SLC8A1: variants seen among roughly 807,000 people sequenced by gnomAD.
The protein encoded by SLC8A1 is solute carrier family 8 member A1, also known as sodium/calcium exchanger 1.
A neutral mutation model predicts 68.3 loss-of-function variants in SLC8A1; 18 were observed. That is an observed-to-expected ratio of 0.26 (90% CI 0.18 to 0.39). The LOEUF (loss-of-function observed/expected upper bound fraction) is 0.39. Among genes scored for constraint, SLC8A1 ranks in the 10% least tolerant of loss-of-function variants. SLC8A1 has a pLI of 1.00. For synonymous variants in SLC8A1, 475 were observed against 415.5 expected (o/e 1.14, Z -1.74); for missense variants, 985 against 1,156.7 (o/e 0.85, Z 2.15).
chr2:40,407,942 C>A (rs1005100893), intron 2 of SLC8A1, among the ~76,000 whole-genome samples: 1 of 152,124 alleles, frequency 6.6e-6, no homozygotes, highest in Non-Finnish European at 1.5e-5. Context: ...TAACTACTAA[C>A]CAGTTTGCAT....
At chr2:40,342,910 A>G (rs990572942) in intron 2 of SLC8A1, among the ~76,000 whole-genome samples, 1 of 152,176 alleles carries the variant, frequency 6.6e-6, no homozygotes, top group Non-Finnish European at 1.5e-5. Context: ...TAAGATTTAT[A>G]ACTGGGTAAA....
At chr2:40,333,807 T>C (rs2076689756) in intron 2 of SLC8A1, among the ~76,000 whole-genome samples, 1 of 152,154 alleles carries the variant, frequency 6.6e-6, no homozygotes, top group Non-Finnish European at 1.5e-5. Context: ...CCCAGCACTT[T>C]GGGAGCTAAG....
intron 2 of SLC8A1, among the ~76,000 whole-genome samples, chr2:40,415,182 G>C (rs1423043608): frequency 6.6e-6 from 1 of 152,160 alleles, no homozygotes; most frequent in African/African-American, 2.4e-5. Context: ...AGTAAGATAA[G>C]GTAAGACAAG....
At chr2:40,460,867 C>G (rs1338127887) in intron 1 of SLC8A1, among the ~76,000 whole-genome samples, 1 of 40,240 alleles carries the variant, frequency 2.5e-5, no homozygotes, top group East Asian at 2.6e-4. Flanking sequence ...GCCACCGCAC[C>G]TGACTATAAG....
At chr2:40,459,747 G>A (rs1176101176) in intron 1 of SLC8A1, among the ~76,000 whole-genome samples, 2 of 152,140 alleles carry the variant, frequency 1.3e-5, no homozygotes, top group Admixed American at 6.5e-5. Context: ...TGTTGGGGGA[G>A]GCCATGGGAA....
In SLC8A1 at chr2:40,288,360, T is replaced by G. The variant is rs1049390354; in HGVS notation, c.1809-110505A>C. Among the ~76,000 whole-genome samples, 6 of 152,294 alleles carry G rather than the reference T, an allele frequency of 3.9e-5. No individual in the cohort carries two copies. In the South Asian group the frequency reaches 6.2e-4, roughly 16 times the overall value. On this transcript the variant is annotated intron_variant, in intron 2 of 7. Transcript: ENST00000406785. ...GTTTTACAATAGGCTTCAGAGGGAA[T>G]ACTTGCTCAACTAAAGGAAAAGAGA... is the stretch of plus-strand genomic sequence containing the variant.
chr2:40,280,020 T>G (rs1258292285), intron 2 of SLC8A1, among the ~76,000 whole-genome samples: 3 of 152,148 alleles, frequency 2.0e-5, no homozygotes, highest in Non-Finnish European at 4.4e-5. Flanking sequence ...ATACAGCATT[T>G]GTAAATTGCA....
At chr2:40,207,973 C>A (rs1257085501) in intron 2 of SLC8A1, among the ~76,000 whole-genome samples, 2 of 152,038 alleles carry the variant, frequency 1.3e-5, no homozygotes, top group African/African-American at 2.4e-5. Context: ...ACCTTAGGGT[C>A]CGTGAACCAG....
intron 2 of SLC8A1, among the ~76,000 whole-genome samples, chr2:40,235,577 G>T (rs2060256691): frequency 6.6e-6 from 1 of 151,852 alleles, no homozygotes; most frequent in South Asian, 2.1e-4. Context: ...TTTTTTGAAG[G>T]GTTTTTGGTG....
chr2:40,283,626 G>A (rs369920595), intron 2 of SLC8A1, among the ~76,000 whole-genome samples: 14 of 152,250 alleles, frequency 9.2e-5, no homozygotes, highest in African/African-American at 3.4e-4. Context: ...AATGAACATT[G>A]CTTAATTTTT....
At chr2:40,253,931 A>G (rs868720246) in intron 2 of SLC8A1, among the ~76,000 whole-genome samples, 9 of 152,032 alleles carry the variant, frequency 5.9e-5, no homozygotes, top group African/African-American at 1.7e-4. Context: ...AGTTAGCTAA[A>G]AAGAATAAGT....
chr2:40,428,525 C>T (rs1697468558), exon 2 of SLC8A1: 1 of 1,612,318 alleles, frequency 6.2e-7, no homozygotes, highest in Non-Finnish European at 8.5e-7. Flanking sequence ...TCAAAATCCT[C>T]CCCTCCACCT....
rs562150876 is a variant in SLC8A1 at position 40,390,204 on chromosome 2, G to C, written c.1808+38269C>G. Among the ~76,000 whole-genome samples the C allele has an allele frequency of 1.8e-4, 27 of 152,248 alleles. No individual in the cohort carries two copies. In the South Asian group the frequency reaches 4.1e-3, roughly 23 times the overall value. On this transcript the variant is annotated intron_variant, in intron 2 of 7. Transcript: ENST00000406785. The stretch of plus-strand genomic sequence containing the variant: ...GTTTTAGAAGCTTTTAGAAGTGACA[G>C]ATTCACCTATCGTTTCCCGTACTCT...
At chr2:40,406,308 T>C (rs1179290851) in intron 2 of SLC8A1, among the ~76,000 whole-genome samples, 1 of 152,348 alleles carries the variant, frequency 6.6e-6, no homozygotes, top group African/African-American at 2.4e-5. Context: ...TGTGGATTCC[T>C]AGACTTTGTA....
chr2:40,261,280 C>T (rs922777622), intron 2 of SLC8A1, among the ~76,000 whole-genome samples: 12 of 152,206 alleles, frequency 7.9e-5, no homozygotes, highest in African/African-American at 2.7e-4. Context: ...ATTCTGCACA[C>T]ACACTAACAG....
exon 8 of SLC8A1, chr2:40,105,767 T>C (rs942094768): frequency 3.3e-5 from 5 of 152,212 alleles, no homozygotes; most frequent in Admixed American, 1.3e-4. Flanking sequence ...ACTTCTGGCA[T>C]TGTACTAAAT....
chr2:40,214,305 C>G (rs1042473033), intron 2 of SLC8A1, among the ~76,000 whole-genome samples: 1 of 152,184 alleles, frequency 6.6e-6, no homozygotes, highest in African/African-American at 2.4e-5. Context: ...GACTTCCTTC[C>G]CAGGTCAGTA....
At position 40,306,460 on chromosome 2, in the gene SLC8A1, G is replaced by GA. The variant is rs61681991; in HGVS notation, c.1808+122012_1808+122013insT. Among the ~76,000 whole-genome samples the GA allele has an allele frequency of 5.5e-3, 816 of 149,320 alleles. 12 individuals carry two copies. The highest frequency in any genetic ancestry group is 0.019 in the African/African-American group (775 of 41,174). On this transcript the variant is annotated intron_variant, in intron 2 of 7. Coordinates refer to ENST00000406785, the Ensembl canonical transcript of SLC8A1. The stretch of plus-strand genomic sequence containing the variant: ...AAAAAAAGGAATGGTTGTGGGGGGG[G>GA]GCATAGCGTGGAATATTTCAGTGCA...
intron 2 of SLC8A1, among the ~76,000 whole-genome samples, chr2:40,384,814 C>T (rs368038766): frequency 2.6e-5 from 4 of 151,960 alleles, no homozygotes; most frequent in South Asian, 2.1e-4. Flanking sequence ...AATTTTTTCC[C>T]GGCATTTTAT....
Sources: allele counts gnomAD v4.1 joint callset (sites outside exome capture counted in the v4.1 genomes callset), GRCh38; gene constraint gnomAD v4.1.1; transcripts MANE v1.5; gene names NCBI Gene and HGNC (gene_info 2026-07-23, HGNC 2026-07-21).